NSF: variants seen among roughly 807,000 people sequenced by gnomAD.
NSF encodes vesicle-fusing ATPase.
A neutral mutation model predicts 50.3 loss-of-function variants in NSF; 14 were observed. The observed-to-expected ratio is 0.28, with a 90% confidence interval of 0.18 to 0.44. The LOEUF is 0.44. Ranked by LOEUF, NSF falls within the 20% of genes least tolerant of loss-of-function variation. The pLI is 1.00. For synonymous variants in NSF, 109 were observed against 175.7 expected (o/e 0.62, Z 3.00); for missense variants, 218 against 504.3 (o/e 0.43, Z 5.44).
At chr17:46,715,594 G>T (rs909590840) in intron 15 of NSF, among the ~76,000 whole-genome samples, 14 of 152,170 alleles carry the variant, frequency 9.2e-5, no homozygotes, top group African/African-American at 3.4e-4. Context: ...AGATGTGGGT[G>T]GATGGTCCTA....
intron 17 of NSF, among the ~76,000 whole-genome samples, chr17:46,731,072 TGTGAG>T (rs1392852587): frequency 6.6e-6 from 1 of 152,130 alleles, no homozygotes; most frequent in Non-Finnish European, 1.5e-5. Context: ...AAAGCTTGTA[TGTGAG>T]TATTCATAGC....
At chr17:46,714,832 G>A (rs1343699856) in intron 15 of NSF, among the ~76,000 whole-genome samples, 1 of 152,120 alleles carries the variant, frequency 6.6e-6, no homozygotes, top group Non-Finnish European at 1.5e-5. Flanking sequence ...CTGACCGTAA[G>A]TCCAAGAGAT....
At chr17:46,625,923 C>A (rs1485648184) in intron 2 of NSF, among the ~76,000 whole-genome samples, 2 of 126,202 alleles carry the variant, frequency 1.6e-5, no homozygotes, top group African/African-American at 3.2e-5. Context: ...TGCTGCATAA[C>A]AGGATTTGAA....
intron 4 of NSF, among the ~76,000 whole-genome samples, chr17:46,635,777 A>ATGTGTGTGTGTGTG (rs148930686): frequency 0.054 from 6,313 of 116,084 alleles, 80 homozygotes; most frequent in Non-Finnish European, 0.063. Flanking sequence ...GGGAAAATAA[A>ATGTGTGTGTGTGTG]TGTGTGTGTG....
chr17:46,712,573 A>G (rs993700950), intron 14 of NSF, among the ~76,000 whole-genome samples: 4 of 152,226 alleles, frequency 2.6e-5, no homozygotes, highest in African/African-American at 9.6e-5. Context: ...CAAGGGTCAT[A>G]TAGGAGAAGT....
At chr17:46,725,271 A>G (rs1329059012) in intron 15 of NSF, among the ~76,000 whole-genome samples, 1 of 152,240 alleles carries the variant, frequency 6.6e-6, no homozygotes, top group African/African-American at 2.4e-5. Flanking sequence ...GGCACTACAC[A>G]TAACATGAAC....
chr17:46,609,832 T>TTC (rs1306485617), intron 1 of NSF, among the ~76,000 whole-genome samples: 3 of 141,566 alleles, frequency 2.1e-5, no homozygotes, highest in East Asian at 1.9e-4. Context: ...TGTTTCTTTT[T>TTC]TTTTTTTTTT....
In NSF at chr17:46,755,295, T is replaced by G; in HGVS notation, c.2158-19T>G. Reference sequence around the variant, plus strand: ...AGAAGGTACCATTAACCCATCTTCATTTCTTCTGATGTATTTAGATGGATC... The same window carrying G: ...AGAAGGTACCATTAACCCATCTTCAGTTCTTCTGATGTATTTAGATGGATC... On this transcript the variant is annotated intron_variant, in intron 19 of 20. Transcript: ENST00000398238. 1 of 1,606,946 alleles carries G rather than the reference T, an allele frequency of 6.2e-7. No homozygotes were observed. Among genetic ancestry groups the G allele is most frequent in the South Asian group, 1.1e-5 (1 of 90,934 alleles).
intron 15 of NSF, among the ~76,000 whole-genome samples, chr17:46,715,960 AT>A (rs1331948482): frequency 1.3e-5 from 2 of 152,222 alleles, no homozygotes; most frequent in African/African-American, 4.8e-5. Flanking sequence ...CTTCAGCAGT[AT>A]AACAAATTTA....
At chr17:46,723,015 A>G (rs2058848560) in intron 15 of NSF, among the ~76,000 whole-genome samples, 1 of 152,150 alleles carries the variant, frequency 6.6e-6, no homozygotes, top group Non-Finnish European at 1.5e-5. Flanking sequence ...CTCAAATGTT[A>G]TGTGTAGGCC....
At chr17:46,631,086 A>C (rs1330730415) in intron 4 of NSF, among the ~76,000 whole-genome samples, 2 of 145,728 alleles carry the variant, frequency 1.4e-5, no homozygotes, top group Non-Finnish European at 3.0e-5. Flanking sequence ...ACACACACAC[A>C]CACACACACA....
intron 14 of NSF, among the ~76,000 whole-genome samples, chr17:46,711,516 A>G (rs1380035144): frequency 6.6e-6 from 1 of 152,214 alleles, no homozygotes; most frequent in Non-Finnish European, 1.5e-5. Flanking sequence ...GTGTAAAGAA[A>G]TTCCTGACTA....
At chr17:46,730,343 G>A (rs2058937160) in intron 17 of NSF, among the ~76,000 whole-genome samples, 1 of 152,084 alleles carries the variant, frequency 6.6e-6, no homozygotes, top group Admixed American at 6.6e-5. Context: ...TATGCTAAAA[G>A]TCACTTGGGA....
intron 18 of NSF, among the ~76,000 whole-genome samples, chr17:46,750,219 G>T: frequency 6.6e-6 from 1 of 152,280 alleles, no homozygotes; most frequent in East Asian, 1.9e-4. Flanking sequence ...TGGGCATGGT[G>T]GTGGGCACCT....
intron 17 of NSF, among the ~76,000 whole-genome samples, chr17:46,729,967 C>T (rs2146298589): frequency 6.6e-6 from 1 of 152,068 alleles, no homozygotes; most frequent in East Asian, 1.9e-4. Context: ...TTTCATAAAC[C>T]ATCATTCCTA....
At chr17:46,707,678 T>C (rs1041492276) in intron 13 of NSF, among the ~76,000 whole-genome samples, 1 of 152,186 alleles carries the variant, frequency 6.6e-6, no homozygotes, top group Non-Finnish European at 1.5e-5. Flanking sequence ...CATAATGTCC[T>C]CAAGGGTCAA....
At chr17:46,737,908 A>ATAC in intron 17 of NSF, among the ~76,000 whole-genome samples, 1 of 145,870 alleles carries the variant, frequency 6.9e-6, no homozygotes, top group East Asian at 2.2e-4. Flanking sequence ...TAAAATTAGC[A>ATAC]TATTATTATT....
At chr17:46,721,709 A>G (rs912922661) in intron 15 of NSF, 14 of 1,607,122 alleles carry the variant, frequency 8.7e-6, no homozygotes, top group Non-Finnish European at 9.4e-6. Context: ...AACCTTTATG[A>G]GCCGGCTGCT....
At chr17:46,736,902 A>G (rs1400475092) in intron 17 of NSF, among the ~76,000 whole-genome samples, 1 of 152,246 alleles carries the variant, frequency 6.6e-6, no homozygotes, top group African/African-American at 2.4e-5. Flanking sequence ...CACTTGGCTC[A>G]GTGCCATGCT....
Sources: allele counts gnomAD v4.1 joint callset (sites outside exome capture counted in the v4.1 genomes callset), GRCh38; gene constraint gnomAD v4.1.1; transcripts MANE v1.5; gene names NCBI Gene and HGNC (gene_info 2026-07-23, HGNC 2026-07-21).